SYNE2: variants seen among roughly 807,000 people sequenced by gnomAD.
SYNE2 encodes spectrin repeat containing nuclear envelope protein 2, also known as nesprin-2.
In SYNE2, 431 loss-of-function variants were observed where a neutral mutation model predicts 856.3. That is an observed-to-expected ratio of 0.50 (90% CI 0.47 to 0.55). The LOEUF is 0.55. Among genes scored for constraint, SYNE2 ranks in the 20% least tolerant of loss-of-function variants. The probability of loss-of-function intolerance (pLI) is 0.00; values close to 1 mark genes in which losing one functional copy is unlikely to be tolerated. For missense variants in SYNE2, 8,129 were observed against 8,023.2 expected (o/e 1.01, Z -0.50); for synonymous variants, 2,923 against 2,872.3 (o/e 1.02, Z -0.56).
In SYNE2 at chr14:64,065,520, A is replaced by G. The variant is rs1413239454; in HGVS notation, c.10301A>G (p.Asn3434Ser). The G allele has an allele frequency of 5.6e-6, 9 of 1,614,162 alleles. No individual in the cohort carries two copies. The highest frequency in any genetic ancestry group is 1.6e-4 in the Middle Eastern group (1 of 6,062). ...LRLLRLRCTE[N>S]DGICLLKIVS... ...CTCTTGAGACTCAGGTGCACAGAAA[A>G]TGATGGCATATGTTTGCTCAAGATT... Residue 3434 changes from asparagine (N) to serine (S), a missense_variant, in exon 51 of 116, where the codon AAT becomes AGT. Transcript: ENST00000555002.
intron 2 of SYNE2, among the ~76,000 whole-genome samples, chr14:63,918,088 G>A (rs2095553145): frequency 6.6e-6 from 1 of 152,108 alleles, no homozygotes; most frequent in Admixed American, 6.5e-5. Context: ...TGAGATACAA[G>A]ATTTTCTGAG....
At chr14:63,868,255 A>T (rs1895942579) in intron 1 of SYNE2, among the ~76,000 whole-genome samples, 1 of 152,152 alleles carries the variant, frequency 6.6e-6, no homozygotes, top group African/African-American at 2.4e-5. Flanking sequence ...GGCTTTCAAA[A>T]CCACAGTCAA....
chr14:64,017,269 C>A (rs1204807379), intron 33 of SYNE2, among the ~76,000 whole-genome samples: 1 of 131,992 alleles, frequency 7.6e-6, no homozygotes, highest in Non-Finnish European at 1.5e-5. Flanking sequence ...GCGGAGCTTG[C>A]AGTGAGCCGA....
upstream of SYNE2, among the ~76,000 whole-genome samples, chr14:63,852,761 A>G (rs1890656326): frequency 6.6e-6 from 1 of 152,078 alleles, no homozygotes; most frequent in African/African-American, 2.4e-5. Flanking sequence ...CGGGTAAGAA[A>G]AGGGTCGCGA....
chr14:64,015,346 C>G (rs2096884406), intron 32 of SYNE2, among the ~76,000 whole-genome samples: 2 of 151,840 alleles, frequency 1.3e-5, no homozygotes, highest in Non-Finnish European at 2.9e-5. Context: ...TGGGGAGTTT[C>G]TACATTATTC....
Position 64,026,660 on chromosome 14 carries a change from G to A in SYNE2, c.6334G>A (p.Val2112Ile). 1 of 1,613,352 alleles carries A rather than the reference G, an allele frequency of 6.2e-7. No individual in the cohort carries two copies. Among genetic ancestry groups the A allele is most frequent in the Non-Finnish European group, 8.5e-7 (1 of 1,179,610 alleles). The change falls in exon 42 of 116, where the codon GTT (valine) becomes ATT (isoleucine). Residue 2112 changes from valine (V) to isoleucine (I), a missense_variant. Physicochemically the swap from Val to Ile is conservative, Grantham distance 29 (BLOSUM62 3). This residue lies in a region of SYNE2 where 297 missense variants were observed against 380.9 expected (regional missense o/e 0.78). Coordinates refer to ENST00000555002, the MANE Select transcript of SYNE2 (RefSeq NM_182914.3). ...KQAESSEAPL[V>I]QKTLTDISNQ... ...GGCTGAGAGCAGCGAGGCCCCGCTG[G>A]TTCAGAAGACCCTCACTGACATCAG...
At position 63,820,775 on chromosome 14, in the gene SYNE2, A is replaced by G. The variant is rs1241003100; in HGVS notation, c.-304-31726A>G. ...CTTTTTTTTTTTTTTTTTGAGATGGAGTCTCACTCTTTCACCCAGGCTGTA... is the reference window on the plus strand; with the variant it reads ...CTTTTTTTTTTTTTTTTTGAGATGGGGTCTCACTCTTTCACCCAGGCTGTA... On this transcript the variant is annotated intron_variant, in intron 1 of 23. Coordinates refer to the SYNE2 transcript ENST00000674003. Among the ~76,000 whole-genome samples, 5 of 144,708 alleles carry G rather than the reference A, an allele frequency of 3.5e-5. No homozygotes were observed. In the East Asian group the frequency reaches 1.0e-3, roughly 29 times the overall value. 94.9% of individuals were successfully genotyped at this position (144,708 alleles called of 152,430 possible).
intron 6 of SYNE2, among the ~76,000 whole-genome samples, chr14:63,942,962 T>C (rs912283575): frequency 6.6e-6 from 1 of 152,224 alleles, no homozygotes; most frequent in African/African-American, 2.4e-5. Flanking sequence ...AGTTGAATGC[T>C]GAATTATCAT....
chr14:63,828,745 T>TAAATAAAA (rs1466561706), intron 1 of SYNE2, among the ~76,000 whole-genome samples: 1 of 151,642 alleles, frequency 6.6e-6, no homozygotes, highest in African/African-American at 2.4e-5. Flanking sequence ...AATAAATAAA[T>TAAATAAAA]AAATAAATAA....
rs1268912517 is a variant in SYNE2, at chr14:64,071,000, G to C, written c.10697+90G>C. On this transcript the variant is annotated intron_variant, in intron 52 of 115. Coordinates refer to ENST00000555002, the MANE Select transcript of SYNE2 (RefSeq NM_182914.3). ...CTAAAAGTATAGAATAATGGCAAATGATACAATAGAATTGAGGTGAGACAA... is the reference window on the plus strand; with the variant it reads ...CTAAAAGTATAGAATAATGGCAAATCATACAATAGAATTGAGGTGAGACAA... The C allele has an allele frequency of 2.2e-6, 3 of 1,354,646 alleles. No homozygotes were observed. The East Asian group carries it at 7.1e-5, about 32-fold the overall frequency. 83.9% of individuals were successfully genotyped at this position (1,354,646 alleles called of 1,614,324 possible). A position where few individuals can be genotyped will look rare whatever the true frequency, so the allele number is the denominator to read the frequency against.
At chr14:64,221,203 G>A (rs1312309754) in intron 111 of SYNE2, among the ~76,000 whole-genome samples, 2 of 152,162 alleles carry the variant, frequency 1.3e-5, no homozygotes, top group African/African-American at 2.4e-5. Flanking sequence ...CTGTGTCTCA[G>A]GGAACGTGAG....
At chr14:63,772,921 G>A (rs1886971306) in intron 1 of SYNE2, among the ~76,000 whole-genome samples, 1 of 151,232 alleles carries the variant, frequency 6.6e-6, no homozygotes, top group South Asian at 2.1e-4. Flanking sequence ...TGGATTACAG[G>A]TGCACACCAC....
intron 12 of SYNE2, 82 bp from the exon 13 acceptor site, chr14:63,977,823 G>T: frequency 1.1e-6 from 1 of 949,888 alleles, no homozygotes; most frequent in Non-Finnish European, 1.7e-6. Context: ...GAAAAAAGAT[G>T]TAATGCAAGT....
chr14:63,962,314 C>T (rs1407549699), intron 9 of SYNE2, among the ~76,000 whole-genome samples: 1 of 152,060 alleles, frequency 6.6e-6, no homozygotes, highest in African/African-American at 2.4e-5. Flanking sequence ...CCTCGGCCTC[C>T]CAAAGTGCTG....
chr14:64,196,533 C>T (rs888751833), intron 99 of SYNE2, among the ~76,000 whole-genome samples: 2 of 152,148 alleles, frequency 1.3e-5, no homozygotes, highest in African/African-American at 4.8e-5. Flanking sequence ...AAGGGCAGAG[C>T]AGAAAACCCC....
At position 64,018,857 on chromosome 14, in the gene SYNE2, A is replaced by G. The variant is rs559966282; in HGVS notation, c.5049+1101A>G. Among the ~76,000 whole-genome samples, 56 of 152,378 alleles carry G rather than the reference A, an allele frequency of 3.7e-4. 1 individual carries two copies. Among genetic ancestry groups the G allele is most frequent in the African/African-American group, 9.6e-4 (40 of 41,594 alleles). ...TCTTTATAGAGCTTCAAGAAAAGCT[A>G]CTTTTTAAAACAACAGTCTCAGGTT... is the stretch of plus-strand genomic sequence containing the variant. On this transcript the variant is annotated intron_variant, in intron 34 of 115. Coordinates refer to ENST00000555002, the MANE Select transcript of SYNE2 (RefSeq NM_182914.3).
At chr14:63,884,363 A>G (rs2094933520) in intron 1 of SYNE2, among the ~76,000 whole-genome samples, 2 of 152,172 alleles carry the variant, frequency 1.3e-5, no homozygotes, top group Admixed American at 1.3e-4. Context: ...TAATGATTCT[A>G]TCCGTCCATC....
rs2098709556 is a variant in SYNE2 at position 64,224,525 on chromosome 14, C to T, written c.20447C>T (p.Ser6816Phe). The T allele has an allele frequency of 1.2e-6, 2 of 1,613,996 alleles. No homozygotes were observed. Among genetic ancestry groups the T allele is most frequent in the African/African-American group, 2.7e-5 (2 of 74,898 alleles). The change falls in exon 114 of 116, where the codon TCC becomes TTC. Residue 6816 changes from serine to phenylalanine, a missense_variant. Transcript: ENST00000555002. ...TCGGGGGACCAGCCTCCTGCAACAT[C>T]CGTGCCAGCTCCCCGAGCAAAGGTA... The part of the protein sequence containing the change: ...VDSGDQPPAT[S>F]VPAPRAKFRA...
At chr14:64,101,569 A>G (rs1436051399) in intron 63 of SYNE2, among the ~76,000 whole-genome samples, 3 of 152,086 alleles carry the variant, frequency 2.0e-5, no homozygotes, top group Non-Finnish European at 4.4e-5. Context: ...CAGCCTCCCA[A>G]AGGGCTGGGT....
Sources: gnomAD v4.1 joint callset for allele counts (sites outside exome capture counted in the v4.1 genomes callset) on GRCh38, gnomAD v4.1.1 for gene constraint, gnomAD v4.1.1 regional missense constraint, MANE v1.5 for transcripts, NCBI Gene and HGNC (gene_info 2026-07-23, HGNC 2026-07-21) for gene names.